The following PCDH17 variants were observed in gnomAD, a reference collection of about 807,000 sequenced individuals.
PCDH17 encodes the protein protocadherin-17.
PCDH17 carries 21 observed loss-of-function variants against 67.7 expected under a neutral mutation model. The ratio of observed to expected loss-of-function variants is 0.31; its 90% confidence interval spans 0.22 to 0.45. The LOEUF is 0.45. Among genes scored for constraint, PCDH17 ranks in the 20% least tolerant of loss-of-function variants. The probability of loss-of-function intolerance (pLI) is 1.00; values close to 1 mark genes in which losing one functional copy is unlikely to be tolerated. For missense variants in PCDH17, 1,471 were observed against 1,564.8 expected (o/e 0.94, Z 1.01); for synonymous variants, 701 against 656.7 (o/e 1.07, Z -1.03).
Position 57,688,288 on chromosome 13 carries a change from GGGT to G in PCDH17, c.2797+21457_2797+21459del, listed in dbSNP as rs1447567565. Among the ~76,000 whole-genome samples the G allele has an allele frequency of 2.0e-5, 3 of 151,868 alleles. No homozygotes were observed. In the East Asian group the frequency reaches 5.8e-4, roughly 30 times the overall value. On this transcript the variant is annotated intron_variant, in intron 3 of 3. Coordinates refer to ENST00000377918, the MANE Select transcript of PCDH17 (RefSeq NM_001040429.3). ...AGACTGCACTCCAACCCTCCAGCCT[GGGT>G]GACAGAGTGAGACCCTGTCTCAAAA...
chr13:57,653,151 A>T (rs760037166), intron 1 of PCDH17, among the ~76,000 whole-genome samples: 18 of 152,226 alleles, frequency 1.2e-4, no homozygotes, highest in South Asian at 4.1e-4. Flanking sequence ...TGTTAAATTT[A>T]TTTAATTTTA....
chr13:57,668,839 A>T (rs956219427), intron 3 of PCDH17, among the ~76,000 whole-genome samples: 22 of 151,910 alleles, frequency 1.4e-4, no homozygotes, highest in Non-Finnish European at 7.4e-5. Flanking sequence ...AGCATGATTT[A>T]TATATATATA....
At chr13:57,630,940 C>T (rs1830839995), upstream of PCDH17, among the ~76,000 whole-genome samples, 1 of 152,162 alleles carries the variant, frequency 6.6e-6, no homozygotes. Context: ...AATGTGTAGA[C>T]AGACCTGTGT....
intron 1 of PCDH17, among the ~76,000 whole-genome samples, chr13:57,649,926 G>T (rs1438094610): frequency 6.6e-6 from 1 of 152,014 alleles, no homozygotes; most frequent in Non-Finnish European, 1.5e-5. Flanking sequence ...TCAGAGAGAG[G>T]AATACCCTAT....
intron 3 of PCDH17, among the ~76,000 whole-genome samples, chr13:57,706,308 A>G (rs1231608649): frequency 6.6e-6 from 1 of 152,146 alleles, no homozygotes; most frequent in East Asian, 1.9e-4. Context: ...TTATTTGTGA[A>G]CCATAAAATG....
chr13:57,633,404 G>T lies in PCDH17; in HGVS notation c.858G>T (p.Val286=), dbSNP rs370527319. Reference sequence around the variant, plus strand: ...TGCTCTACTCTTTCAGCAGCTACGTGCCTGACCGCGTGCGGGAGCTCTTCT... The same window carrying T: ...TGCTCTACTCTTTCAGCAGCTACGTTCCTGACCGCGTGCGGGAGCTCTTCT... ...GEVLYSFSSY[V]PDRVRELFSI... The change falls in exon 1 of 4, where the codon GTG becomes GTT. Residue 286 remains valine (V), a synonymous_variant. Coordinates refer to ENST00000377918, the MANE Select transcript of PCDH17 (RefSeq NM_001040429.3). The surrounding 1 kb of genome is among the most constrained non-coding windows in gnomAD (Gnocchi z 6.2). 5.9e-5 allele frequency: 95 copies of T among 1,613,380 alleles called. No homozygotes were observed. In the East Asian group the frequency reaches 1.7e-3, roughly 30 times the overall value.
intron 1 of PCDH17, among the ~76,000 whole-genome samples, chr13:57,662,918 A>G (rs1955200889): frequency 6.6e-6 from 1 of 152,154 alleles, no homozygotes. Flanking sequence ...AAAGTAAAGA[A>G]TATCTAATTT....
intron 3 of PCDH17, among the ~76,000 whole-genome samples, chr13:57,706,357 T>G (rs1955721446): frequency 6.6e-6 from 1 of 152,178 alleles, no homozygotes; most frequent in Non-Finnish European, 1.5e-5. Context: ...AGTCTTGTTT[T>G]ATCTTTCCAC....
At chr13:57,670,263 C>T (rs1955303497) in intron 3 of PCDH17, among the ~76,000 whole-genome samples, 1 of 151,670 alleles carries the variant, frequency 6.6e-6, no homozygotes, top group African/African-American at 2.4e-5. Flanking sequence ...AGAGAAAATT[C>T]CACAATTAAG....
intron 1 of PCDH17, among the ~76,000 whole-genome samples, chr13:57,644,324 A>G (rs1049143474): frequency 6.6e-6 from 1 of 151,692 alleles, no homozygotes; most frequent in Non-Finnish European, 1.5e-5. Flanking sequence ...AATACCAACA[A>G]ATGAAGCACT....
At chr13:57,710,724 A>G (rs965523732) in intron 3 of PCDH17, among the ~76,000 whole-genome samples, 1 of 151,970 alleles carries the variant, frequency 6.6e-6, no homozygotes, top group Middle Eastern at 3.2e-3. Context: ...GAAAATGATT[A>G]TATCAGGTTG....
At chr13:57,648,565 A>C (rs1954996145) in intron 1 of PCDH17, among the ~76,000 whole-genome samples, 1 of 152,044 alleles carries the variant, frequency 6.6e-6, no homozygotes, top group African/African-American at 2.4e-5. Context: ...TTAATGGGCA[A>C]GTGTATATTT....
intron 1 of PCDH17, among the ~76,000 whole-genome samples, chr13:57,663,037 A>T (rs1352166196): frequency 6.6e-6 from 1 of 152,084 alleles, no homozygotes; most frequent in Non-Finnish European, 1.5e-5. Context: ...CACTTTTTTT[A>T]AAAAAGTGAT....
At chr13:57,658,008 T>C (rs1380670856) in intron 1 of PCDH17, among the ~76,000 whole-genome samples, 1 of 152,168 alleles carries the variant, frequency 6.6e-6, no homozygotes, top group Non-Finnish European at 1.5e-5. Context: ...ATTAAAAATG[T>C]CTTCGTCTTT....
chr13:57,722,221 A>G (rs1454348319), intron 3 of PCDH17, among the ~76,000 whole-genome samples: 1 of 152,000 alleles, frequency 6.6e-6, no homozygotes, highest in African/African-American at 2.4e-5. Flanking sequence ...CGTCTGCATT[A>G]TTCTTTCTTT....
intron 3 of PCDH17, among the ~76,000 whole-genome samples, chr13:57,706,747 G>A (rs1043001788): frequency 6.6e-6 from 1 of 152,080 alleles, no homozygotes; most frequent in Non-Finnish European, 1.5e-5. Context: ...TCCTTCCTCA[G>A]TAACTCCATC....
chr13:57,638,112 T>C (rs1362176559), intron 1 of PCDH17, among the ~76,000 whole-genome samples: 1 of 152,094 alleles, frequency 6.6e-6, no homozygotes, highest in Non-Finnish European at 1.5e-5. Context: ...TTTAAGTCTT[T>C]TTAAACATAT....
At chr13:57,684,647 G>A (rs946063856) in intron 3 of PCDH17, among the ~76,000 whole-genome samples, 15 of 151,930 alleles carry the variant, frequency 9.9e-5, no homozygotes, top group African/African-American at 3.6e-4. Context: ...TTTTTAAAAT[G>A]TTGAATGTTG....
chr13:57,669,534 A>G (rs891832515), intron 3 of PCDH17, among the ~76,000 whole-genome samples: 8 of 151,958 alleles, frequency 5.3e-5, no homozygotes, highest in Non-Finnish European at 1.2e-4. Flanking sequence ...CTGTCTTTCA[A>G]CTATCTATGT....
Sources: gnomAD v4.1 joint callset for allele counts (sites outside exome capture counted in the v4.1 genomes callset) on GRCh38, gnomAD v4.1.1 for gene constraint, Gnocchi (gnomAD v3.1) non-coding constraint, MANE v1.5 for transcripts, NCBI Gene and HGNC (gene_info 2026-07-23, HGNC 2026-07-21) for gene names.